The following RTN1 variants were observed in gnomAD, a reference collection of about 807,000 sequenced individuals.
RTN1 encodes the protein reticulon-1.
Under a neutral mutation model 65.5 loss-of-function variants are expected in RTN1, and 25 were observed. The observed-to-expected ratio is 0.38, with a 90% confidence interval of 0.28 to 0.53. The LOEUF (loss-of-function observed/expected upper bound fraction) is 0.53. RTN1 is among the 20% of genes least tolerant of loss of function. The pLI is 0.79. For missense variants in RTN1, 983 were observed against 1,025.4 expected, an observed-to-expected ratio of 0.96 and a Z score of 0.57; for synonymous variants, 471 against 447.6, an observed-to-expected ratio of 1.05 and a Z score of -0.66.
At chr14:59,664,506 AT>A (rs1363805398) in intron 3 of RTN1, among the ~76,000 whole-genome samples, 17 of 152,176 alleles carry the variant, frequency 1.1e-4, no homozygotes, top group African/African-American at 4.1e-4. Context: ...ATAAAATTAA[AT>A]GCATCTGAGG....
intron 1 of RTN1, among the ~76,000 whole-genome samples, chr14:59,784,298 G>A (rs189385909): frequency 0.011 from 1,740 of 151,870 alleles, 19 homozygotes; most frequent in Non-Finnish European, 0.017. Flanking sequence ...AAAATTAGCC[G>A]GGCGTGGTGG....
chr14:59,671,439 T>C (rs1441633925), intron 3 of RTN1, among the ~76,000 whole-genome samples: 1 of 152,138 alleles, frequency 6.6e-6, no homozygotes, highest in Non-Finnish European at 1.5e-5. Context: ...CATTCCACAC[T>C]AAAAAGAATG....
chr14:59,655,409 C>G (rs1288474710), intron 3 of RTN1, among the ~76,000 whole-genome samples: 1 of 152,046 alleles, frequency 6.6e-6, no homozygotes, highest in Non-Finnish European at 1.5e-5. Context: ...TCAAACAATC[C>G]CTGTCAAAAT....
rs1885214607 is a variant in RTN1, at chr14:59,746,042, A to G, written c.681T>C (p.Thr227=). The part of the protein sequence containing the change: ...DKDLDFKNKD[T]DISIKPEGVR... ...CTCCTTCAGGTTTAATTGAGATGTC[A>G]GTGTCTTTATTCTTAAAGTCCAAGT... The change falls in exon 2 of 9, where the codon ACT becomes ACC. Residue 227 remains threonine, a synonymous_variant. Transcript: ENST00000267484. 1 of 1,614,122 alleles carries G rather than the reference A, an allele frequency of 6.2e-7. No individual in the cohort carries two copies. Among genetic ancestry groups the G allele is most frequent in the Non-Finnish European group, 8.5e-7 (1 of 1,180,016 alleles).
At chr14:59,633,611 A>G (rs950612462) in intron 3 of RTN1, among the ~76,000 whole-genome samples, 8 of 152,260 alleles carry the variant, frequency 5.3e-5, no homozygotes, top group Non-Finnish European at 1.2e-4. Flanking sequence ...GTGAAAGAAA[A>G]CAGAAAGCAA....
At chr14:59,740,267 A>G (rs1260282179) in intron 2 of RTN1, among the ~76,000 whole-genome samples, 6 of 152,154 alleles carry the variant, frequency 3.9e-5, no homozygotes, top group African/African-American at 1.4e-4. Context: ...AATTTTTACA[A>G]CAGTGGCTCT....
At chr14:59,806,700 A>T (rs954966758) in intron 1 of RTN1, among the ~76,000 whole-genome samples, 18 of 152,152 alleles carry the variant, frequency 1.2e-4, no homozygotes, top group Non-Finnish European at 2.4e-4. Context: ...CTTACTTATA[A>T]GTGAGAACAT....
chr14:59,799,398 C>T (rs1172521517), intron 1 of RTN1, among the ~76,000 whole-genome samples: 1 of 152,168 alleles, frequency 6.6e-6, no homozygotes, highest in Non-Finnish European at 1.5e-5. Flanking sequence ...TCTACAAAAT[C>T]ATCAATTTTC....
At chr14:59,841,009 G>C (rs1357472167) in intron 1 of RTN1, among the ~76,000 whole-genome samples, 1 of 152,118 alleles carries the variant, frequency 6.6e-6, no homozygotes, top group Non-Finnish European at 1.5e-5. Context: ...CTTTCCATAT[G>C]TGACCTTCAG....
chr14:59,846,074 T>C lies in RTN1; in HGVS notation c.241+24316A>G, dbSNP rs1449984718. On this transcript the variant is annotated intron_variant, in intron 1 of 8. Transcript: ENST00000267484. The surrounding 1 kb of genome is among the most constrained non-coding windows in gnomAD (Gnocchi z 4.8). Reference sequence around the variant, plus strand: ...AAACAGTAATAACAACCCTGATGTCTGTAAGCAAACAGCCAGGGGTAGGTG... The same window carrying C: ...AAACAGTAATAACAACCCTGATGTCCGTAAGCAAACAGCCAGGGGTAGGTG... 6.6e-6 allele frequency among the ~76,000 whole-genome samples: 1 copy of C among 152,176 alleles called. No individual in the cohort carries two copies. The highest frequency in any genetic ancestry group is 2.4e-5 in the African/African-American group (1 of 41,444).
chr14:59,647,171 C>A (rs1372718852), intron 3 of RTN1, among the ~76,000 whole-genome samples: 1 of 152,138 alleles, frequency 6.6e-6, no homozygotes, highest in African/African-American at 2.4e-5. Flanking sequence ...CTCAGACAAA[C>A]AGACTTTAAA....
At position 59,746,119 on chromosome 14, in the gene RTN1, G is replaced by C; in HGVS notation, c.604C>G (p.Pro202Ala). 1.2e-6 allele frequency: 2 copies of C among 1,611,272 alleles called. No homozygotes were observed. The highest frequency in any genetic ancestry group is 1.7e-6 in the Non-Finnish European group (2 of 1,179,168). The change falls in exon 2 of 9, where the codon CCC becomes GCC. Residue 202 changes from proline to alanine, a missense_variant. Coordinates refer to ENST00000267484, the MANE Select transcript of RTN1 (RefSeq NM_021136.3). ...TGTTCTTGGTGCTTCACCTCCTCGG[G>C]TCTGGTTATGTCAATGTATTTATAG... ...EAYKYIDITR[P>A]EEVKHQEQHH...
chr14:59,776,956 T>C (rs769423516), intron 1 of RTN1, among the ~76,000 whole-genome samples: 23 of 152,188 alleles, frequency 1.5e-4, no homozygotes, highest in Non-Finnish European at 2.9e-4. Flanking sequence ...CTAAATTATT[T>C]ATTGAGTTAC....
chr14:59,850,087 T>G (rs1887477869), intron 1 of RTN1, among the ~76,000 whole-genome samples: 1 of 152,210 alleles, frequency 6.6e-6, no homozygotes, highest in Admixed American at 6.5e-5. Context: ...GTCTCTTCAG[T>G]TGACACTCAT....
intron 1 of RTN1, among the ~76,000 whole-genome samples, chr14:59,756,847 T>TG (rs57006647): frequency 0.08 from 11,829 of 147,874 alleles, 1,657 homozygotes; most frequent in African/African-American, 0.28. Flanking sequence ...TTTTGTTTTT[T>TG]TTTTTTTGTC....
chr14:59,819,425 ACCCCCCACCCCC>A lies in RTN1; in HGVS notation c.241+50953_241+50964del, dbSNP rs1886892361. Among the ~76,000 whole-genome samples, 8 of 14,824 alleles carry A rather than the reference ACCCCCCACCCCC, an allele frequency of 5.4e-4. 1 individual carries two copies. The highest frequency in any genetic ancestry group is 6.4e-4 in the Non-Finnish European group (6 of 9,400). 9.7% of individuals were successfully genotyped at this position (14,824 alleles called of 152,430 possible). On this transcript the variant is annotated intron_variant, in intron 1 of 8. Transcript: ENST00000267484. ...TCCACACCACCACCACCCCCCCCCCACCCCCCACCCCCCCCCCCCGGCCACAGCTAGACACAG... is the reference window on the plus strand; with the variant it reads ...TCCACACCACCACCACCCCCCCCCCACCCCCCCGGCCACAGCTAGACACAG...
At chr14:59,672,625 C>CTTT (rs71111662) in intron 3 of RTN1, among the ~76,000 whole-genome samples, 8,485 of 79,096 alleles carry the variant, frequency 0.11, 1,784 homozygotes, top group Non-Finnish European at 0.13. Flanking sequence ...CAAGATATTT[C>CTTT]TTTTTTTTTT....
At chr14:59,718,801 T>G (rs1213936489) in intron 3 of RTN1, among the ~76,000 whole-genome samples, 1 of 152,210 alleles carries the variant, frequency 6.6e-6, no homozygotes, top group African/African-American at 2.4e-5. Context: ...GTAAATATTT[T>G]TGCATCTCTT....
chr14:59,740,603 G>A (rs1306720656), intron 2 of RTN1, among the ~76,000 whole-genome samples: 2 of 152,180 alleles, frequency 1.3e-5, no homozygotes, highest in African/African-American at 2.4e-5. Context: ...GACAGCTGCA[G>A]GGTCGGGGAG....
Sources: allele counts gnomAD v4.1 joint callset (sites outside exome capture counted in the v4.1 genomes callset), GRCh38; gene constraint gnomAD v4.1.1; non-coding constraint Gnocchi (gnomAD v3.1); transcripts MANE v1.5; gene names NCBI Gene and HGNC (gene_info 2026-07-23, HGNC 2026-07-21).